PRMT7: variants seen among roughly 807,000 people sequenced by gnomAD.
PRMT7 encodes protein arginine methyltransferase 7, also known as protein arginine N-methyltransferase 7.
PRMT7 carries 75 observed loss-of-function variants against 85.4 expected under a neutral mutation model. That is an observed-to-expected ratio of 0.88 (90% CI 0.73 to 1.06). The LOEUF is 1.06. PRMT7 is among the 50% of genes least tolerant of loss of function. The probability of loss-of-function intolerance (pLI) is 0.00; values close to 1 mark genes in which losing one functional copy is unlikely to be tolerated. For synonymous variants in PRMT7, 397 were observed against 359.5 expected (o/e 1.10, Z -1.18); for missense variants, 868 against 915.2 (o/e 0.95, Z 0.67).
At chr16:68,346,105 C>A (rs750517465) in intron 10 of PRMT7, 40 bp from the exon 11 acceptor site, 16 of 1,609,054 alleles carry the variant, frequency 9.9e-6, no homozygotes, top group Non-Finnish European at 1.4e-5. Flanking sequence ...CCTGTGGAGG[C>A]GCTCACAGCC....
chr16:68,359,280 C>G (rs1236648700), downstream of PRMT7: 2 of 152,548 alleles, frequency 1.3e-5, no homozygotes, highest in Non-Finnish European at 2.9e-5. Flanking sequence ...GGGGCCTCCA[C>G]ATCATGAATC....
chr16:68,351,958 T>C (rs2087440627), intron 14 of PRMT7: 1 of 272,470 alleles, frequency 3.7e-6, no homozygotes, highest in South Asian at 9.0e-5. Flanking sequence ...CTTTGTCTGC[T>C]TCCCTCTTCT....
chr16:68,352,483 T>C (rs2151904608), intron 15 of PRMT7, 74 bp downstream of exon 15: 2 of 1,474,648 alleles, frequency 1.4e-6, no homozygotes, highest in South Asian at 1.3e-5. Flanking sequence ...TGCAGGAACC[T>C]TGGGTGCCTG....
chr16:68,313,539 CCTT>C (rs779598608), intron 2 of PRMT7, among the ~76,000 whole-genome samples: 2 of 152,282 alleles, frequency 1.3e-5, no homozygotes, highest in Admixed American at 6.5e-5. Context: ...ACAACCCCCT[CCTT>C]CTCCTCCTGC....
chr16:68,349,711 T>G (rs2086986967), intron 14 of PRMT7, among the ~76,000 whole-genome samples: 1 of 151,824 alleles, frequency 6.6e-6, no homozygotes, highest in Non-Finnish European at 1.5e-5. Flanking sequence ...CTGAGTAACA[T>G]AGGGAGACCC....
intron 6 of PRMT7, among the ~76,000 whole-genome samples, chr16:68,329,818 A>G (rs772674930): frequency 1.2e-4 from 18 of 152,038 alleles, no homozygotes; most frequent in Non-Finnish European, 2.1e-4. Context: ...TTCTGCATAC[A>G]ACATGAACAA....
At chr16:68,352,036 A>G (rs2087456036) in intron 14 of PRMT7, 1 of 547,648 alleles carries the variant, frequency 1.8e-6, no homozygotes, top group Non-Finnish European at 3.3e-6. Context: ...GCAGGTACAG[A>G]GCACCTTGCT....
chr16:68,321,825 T>C (rs1029438285), intron 4 of PRMT7: 4 of 185,690 alleles, frequency 2.2e-5, no homozygotes, highest in African/African-American at 9.4e-5. Context: ...AATTTTTAAG[T>C]GTACATTATT....
chr16:68,326,627 G>C (rs1295857718), intron 5 of PRMT7, among the ~76,000 whole-genome samples: 2 of 152,218 alleles, frequency 1.3e-5, no homozygotes, highest in African/African-American at 4.8e-5. Context: ...CCATCGGCTA[G>C]AATGAGGTTA....
In PRMT7 at chr16:68,315,965, G is replaced by A; in HGVS notation, c.-15G>A. On this transcript the variant is annotated 5_prime_UTR_variant, in exon 3 of 19. Transcript: ENST00000441236. ...GCTGCTTTTCTGTGCTAAAACTGGG[G>A]AGCTAGTGGGCACCATGAAGATCTT... 1 of 1,611,938 alleles carries A rather than the reference G, an allele frequency of 6.2e-7. No individual in the cohort carries two copies. The highest frequency in any genetic ancestry group is 8.5e-7 in the Non-Finnish European group (1 of 1,178,622).
chr16:68,346,298 T>G lies in PRMT7; in HGVS notation c.1191+18T>G, dbSNP rs1377880596. On this transcript the variant is annotated intron_variant, in intron 11 of 18. Coordinates refer to ENST00000441236, the MANE Select transcript of PRMT7 (RefSeq NM_019023.5). ...TGAGGACCGTAAGTGTCCAGCCCCTTGGCTTGTTGTGGGGAAAAGGGAGAA... is the reference window on the plus strand; with the variant it reads ...TGAGGACCGTAAGTGTCCAGCCCCTGGGCTTGTTGTGGGGAAAAGGGAGAA... The G allele has an allele frequency of 3.1e-6, 5 of 1,612,378 alleles. No homozygotes were observed. The highest frequency in any genetic ancestry group is 4.2e-6 in the Non-Finnish European group (5 of 1,178,624).
At chr16:68,341,274 A>G (rs1329936843) in intron 9 of PRMT7, among the ~76,000 whole-genome samples, 1 of 152,212 alleles carries the variant, frequency 6.6e-6, no homozygotes, top group Non-Finnish European at 1.5e-5. Flanking sequence ...CTTCCCACCC[A>G]CTGTTCAGAC....
At chr16:68,339,210 G>A in intron 7 of PRMT7, 112 bp from the exon 8 acceptor site, 1 of 1,377,732 alleles carries the variant, frequency 7.3e-7, no homozygotes, top group Admixed American at 2.0e-5. Flanking sequence ...TAAGGTGTTG[G>A]GCATTACTGA....
In PRMT7 at chr16:68,331,486, G is replaced by A. The variant is rs867050882; in HGVS notation, c.391+2312G>A. ...TTGTTGTTCTTTTTTTTTTTTTTTTGAGACAGGATCTTGACCTGTCCCCCA... is the reference window on the plus strand; with the variant it reads ...TTGTTGTTCTTTTTTTTTTTTTTTTAAGACAGGATCTTGACCTGTCCCCCA... On this transcript the variant is annotated intron_variant, in intron 6 of 18. Transcript: ENST00000441236. 3.6e-3 allele frequency among the ~76,000 whole-genome samples: 230 copies of A among 63,680 alleles called. 3 individuals carry two copies. The highest frequency in any genetic ancestry group is 0.013 in the African/African-American group (217 of 16,604). 41.8% of individuals were successfully genotyped at this position (63,680 alleles called of 152,430 possible).
Position 68,339,578 on chromosome 16 carries a change from C to G in PRMT7, c.746+15C>G, listed in dbSNP as rs2085211591. 6.2e-7 allele frequency: 1 copy of G among 1,611,130 alleles called. No homozygotes were observed. The highest frequency in any genetic ancestry group is 1.7e-5 in the Admixed American group (1 of 59,970). Reference sequence around the variant, plus strand: ...CCCATGTTCAGGTACCAAGGAGCCACCATAGGTGATGGCGCTTTGAGACAT... The same window carrying G: ...CCCATGTTCAGGTACCAAGGAGCCAGCATAGGTGATGGCGCTTTGAGACAT... On this transcript the variant is annotated intron_variant, in intron 8 of 18. Coordinates refer to ENST00000441236, the MANE Select transcript of PRMT7 (RefSeq NM_019023.5).
chr16:68,312,478 C>T (rs2044017513), intron 2 of PRMT7, among the ~76,000 whole-genome samples: 1 of 152,024 alleles, frequency 6.6e-6, no homozygotes, highest in Non-Finnish European at 1.5e-5. Flanking sequence ...ACTCGATATC[C>T]TTGCGTCTCG....
chr16:68,356,668 ACT>A, intron 17 of PRMT7, 31 bp from the exon 18 acceptor site: 1 of 1,557,568 alleles, frequency 6.4e-7, no homozygotes, highest in Non-Finnish European at 8.8e-7. Context: ...CTCTTGTGTG[ACT>A]ACTTCTGCTG....
chr16:68,315,921 C>T lies in PRMT7; in HGVS notation c.-59C>T. 2.8e-6 allele frequency: 4 copies of T among 1,420,744 alleles called. No homozygotes were observed. The highest frequency in any genetic ancestry group is 4.0e-6 in the Non-Finnish European group (4 of 1,008,130). 88.0% of individuals were successfully genotyped at this position (1,420,744 alleles called of 1,614,324 possible). On this transcript the variant is annotated 5_prime_UTR_variant, in exon 3 of 19. Coordinates refer to ENST00000441236, the MANE Select transcript of PRMT7 (RefSeq NM_019023.5). ...GATTTCTGACAGTCAGACTTGTCCA[C>T]AAGAACTCAACTGGCAAGGCTGCTT...
intron 3 of PRMT7, among the ~76,000 whole-genome samples, 185 bp from the exon 4 acceptor site, chr16:68,321,241 C>T (rs1317497658): frequency 6.6e-6 from 1 of 151,812 alleles, no homozygotes; most frequent in East Asian, 1.9e-4. Context: ...TGTACTCCAG[C>T]CTGGGTGATG....
Sources: allele counts gnomAD v4.1 joint callset (sites outside exome capture counted in the v4.1 genomes callset), GRCh38; gene constraint gnomAD v4.1.1; transcripts MANE v1.5; gene names NCBI Gene and HGNC (gene_info 2026-07-23, HGNC 2026-07-21).